NTRK1: variants seen among roughly 807,000 people sequenced by gnomAD.
The protein encoded by NTRK1 is neurotrophic receptor tyrosine kinase 1.
Under a neutral mutation model 86.8 loss-of-function variants are expected in NTRK1, and 62 were observed. That is an observed-to-expected ratio of 0.71 (90% CI 0.58 to 0.88). The LOEUF (loss-of-function observed/expected upper bound fraction) is 0.88, where lower values mean the gene tolerates loss of function less well. NTRK1 is among the 40% of genes least tolerant of loss of function. NTRK1 has a pLI of 0.00. For missense variants in NTRK1, 967 were observed against 1,078.4 expected, an observed-to-expected ratio of 0.90 and a Z score of 1.45; for synonymous variants, 469 against 456.6, an observed-to-expected ratio of 1.03 and a Z score of -0.35.
chr1:156,869,728 C>T (rs1647434262), intron 6 of NTRK1, among the ~76,000 whole-genome samples: 1 of 152,270 alleles, frequency 6.6e-6, no homozygotes, highest in African/African-American at 2.4e-5. Flanking sequence ...CTTTGGACAT[C>T]TTCCCAGGCC....
intron 2 of NTRK1, chr1:156,849,515 A>T (rs1487373223): frequency 8.8e-7 from 1 of 1,135,982 alleles, no homozygotes; most frequent in Non-Finnish European, 1.3e-6. Flanking sequence ...GGGGGTGGGA[A>T]AGGGGATGGC....
At chr1:156,869,396 G>A (rs1427871447) in intron 6 of NTRK1, among the ~76,000 whole-genome samples, 2 of 151,886 alleles carry the variant, frequency 1.3e-5, no homozygotes, top group Non-Finnish European at 2.9e-5. Flanking sequence ...TTCTATATAA[G>A]GAAACTGGAA....
chr1:156,858,445 A>G (rs1655487102), upstream of NTRK1: 1 of 895,514 alleles, frequency 1.1e-6, no homozygotes, highest in East Asian at 2.4e-5. Context: ...GTGCAGAGTA[A>G]GTGGAGGTGC....
In NTRK1 at chr1:156,851,576, T is replaced by C. The variant is rs150103251; in HGVS notation, c.50+9383T>C. On this transcript the variant is annotated intron_variant, in intron 2 of 16. Transcript: ENST00000392302. ...TGGAAAATTGTGCTGAGTTGGGTCA[T>C]TGTAAGGGTTGTGTCTGGGAGGAAG... 3.8e-4 allele frequency: 617 copies of C among 1,610,436 alleles called. 3 individuals are homozygous for C. The African/African-American group carries it at 7.7e-3, about 20-fold the overall frequency.
chr1:156,816,007 G>T (rs781385955), intron 1 of NTRK1: 4 of 1,613,638 alleles, frequency 2.5e-6, no homozygotes, highest in South Asian at 1.1e-5. Context: ...TCCACTCACC[G>T]CAGTGTAGCC....
chr1:156,854,248 G>T lies in NTRK1; in HGVS notation c.51-10106G>T, dbSNP rs1244085611. 7.4e-6 allele frequency: 12 copies of T among 1,613,842 alleles called. No individual in the cohort carries two copies. Among genetic ancestry groups the T allele is most frequent in the Non-Finnish European group, 1.0e-5 (12 of 1,180,004 alleles). ...GCAGGTGGCCCTCCACCACGCTGCA[G>T]TTCTCCAGCTGACGAAGCTCTGCCA... On this transcript the variant is annotated intron_variant, in intron 2 of 16. Transcript: ENST00000392302. This position sits in a 1 kb window ranked among gnomAD's most constrained non-coding sequence, Gnocchi z 4.2.
chr1:156,822,610 A>G (rs7549730), intron 1 of NTRK1, among the ~76,000 whole-genome samples: 64 of 75,082 alleles, frequency 8.5e-4, no homozygotes, highest in East Asian at 1.9e-3. Flanking sequence ...AAAAGATTAG[A>G]AAAAAAAAAA....
At position 156,861,107 on chromosome 1, in the gene NTRK1, G is replaced by T; in HGVS notation, c.173G>T (p.Ser58Ile). Residue 58 changes from serine to isoleucine, a missense_variant, in exon 1 of 17, where the codon AGC (serine) becomes ATC (isoleucine). Physicochemically the swap from Ser to Ile is moderately radical, Grantham distance 142. Transcript: ENST00000524377. ...LRCTRDGALD[S>I]LHHLPGAENL... ...TGCACCCGGGATGGGGCCCTGGATA[G>T]CCTCCACCACCTGCCCGGCGCAGAG... 1 of 1,584,978 alleles carries T rather than the reference G, an allele frequency of 6.3e-7. No individual in the cohort carries two copies.
chr1:156,879,434 A>G (rs1648120101), intron 15 of NTRK1, 72 bp downstream of exon 15: 1 of 1,538,846 alleles, frequency 6.5e-7, no homozygotes, highest in African/African-American at 1.4e-5. Context: ...AAGACCACTG[A>G]GAGCCTGCCC....
intron 1 of NTRK1, chr1:156,840,428 A>AC (rs1558082100): frequency 1.6e-4 from 18 of 110,634 alleles, no homozygotes; most frequent in Non-Finnish European, 3.0e-4. Context: ...AGTCATGTGG[A>AC]GCCCCACCCC....
At position 156,851,594 on chromosome 1, in the gene NTRK1, G is replaced by T. The variant is rs755096956; in HGVS notation, c.50+9401G>T. 69 of 1,612,980 alleles carry T rather than the reference G, an allele frequency of 4.3e-5. No individual in the cohort carries two copies. The South Asian group carries it at 7.6e-4, about 18-fold the overall frequency. Reference sequence around the variant, plus strand: ...TGGGTCATTGTAAGGGTTGTGTCTGGGAGGAAGGGTATGACCAGGAGGAGG... The same window carrying T: ...TGGGTCATTGTAAGGGTTGTGTCTGTGAGGAAGGGTATGACCAGGAGGAGG... On this transcript the variant is annotated intron_variant, in intron 2 of 16. Transcript: ENST00000392302.
chr1:156,860,469 G>A (rs1298996724), upstream of NTRK1, among the ~76,000 whole-genome samples: 1 of 152,206 alleles, frequency 6.6e-6, no homozygotes, highest in African/African-American at 2.4e-5. Context: ...ACTCCCCTAG[G>A]CACGCGCGCC....
intron 8 of NTRK1, 121 bp from the exon 9 acceptor site, chr1:156,874,262 T>G: frequency 6.9e-7 from 1 of 1,457,648 alleles, no homozygotes; most frequent in Non-Finnish European, 9.6e-7. Context: ...CCCACCTCCA[T>G]CCCCCCTCGT....
At chr1:156,846,179 G>C in intron 2 of NTRK1, 1 of 1,478,174 alleles carries the variant, frequency 6.8e-7, no homozygotes, top group Non-Finnish European at 9.0e-7. Context: ...ATACTATCTA[G>C]TAATGAGCCC....
At chr1:156,838,530 G>A (rs1390464497) in intron 1 of NTRK1, among the ~76,000 whole-genome samples, 4 of 152,170 alleles carry the variant, frequency 2.6e-5, no homozygotes, top group Non-Finnish European at 5.9e-5. Flanking sequence ...GTCTGCAACT[G>A]TCTCTCAGGA....
intron 6 of NTRK1, among the ~76,000 whole-genome samples, chr1:156,869,081 T>C (rs1240625860): frequency 1.4e-5 from 2 of 146,322 alleles, no homozygotes; most frequent in Non-Finnish European, 3.0e-5. Flanking sequence ...CCTTCCTTCC[T>C]TCCTTCCTTT....
rs570900318 is a variant in NTRK1 at position 156,880,103 on chromosome 1, C to T, written c.2151C>T (p.Leu717=). The stretch of plus-strand genomic sequence containing the variant: ...ACGTGTGGAGCTTCGGCGTGGTGCT[C>T]TGGGAGATCTTCACCTACGGCAAGC... ...ESDVWSFGVV[L]WEIFTYGKQP... Residue 717 remains leucine (L), a synonymous_variant, in exon 16 of 17, where the codon CTC becomes CTT. Transcript: ENST00000524377. The T allele has an allele frequency of 3.1e-6, 5 of 1,613,570 alleles. No homozygotes were observed. In the South Asian group the frequency reaches 5.5e-5, roughly 18 times the overall value.
chr1:156,861,793 A>T (rs779577964), intron 1 of NTRK1, among the ~76,000 whole-genome samples: 1 of 151,826 alleles, frequency 6.6e-6, no homozygotes, highest in Non-Finnish European at 1.5e-5. Flanking sequence ...TTGTCTCTCT[A>T]CCTGGGGCGG....
chr1:156,859,738 C>A (rs1655543628), upstream of NTRK1, among the ~76,000 whole-genome samples: 1 of 152,146 alleles, frequency 6.6e-6, no homozygotes, highest in Non-Finnish European at 1.5e-5. The surrounding 1 kb of genome is among the most constrained non-coding windows in gnomAD (Gnocchi z 6.2). Context: ...ACTTGGGGGG[C>A]CATCCGTGCT....
Sources: allele counts gnomAD v4.1 joint callset (sites outside exome capture counted in the v4.1 genomes callset), GRCh38; gene constraint gnomAD v4.1.1; non-coding constraint Gnocchi (gnomAD v3.1); transcripts MANE v1.5; gene names NCBI Gene and HGNC (gene_info 2026-07-23, HGNC 2026-07-21).